POR: variants seen among roughly 807,000 people sequenced by gnomAD.
The protein encoded by POR is cytochrome p450 oxidoreductase, also known as NADPH--cytochrome P450 reductase.
In POR, 56 loss-of-function variants were observed where a neutral mutation model predicts 84.0. The ratio of observed to expected loss-of-function variants is 0.67; its 90% CI spans 0.54 to 0.83. POR has a LOEUF of 0.83. Ranked by LOEUF, POR falls within the 40% of genes least tolerant of loss-of-function variation. The pLI is 0.00. For synonymous variants in POR, 414 were observed against 400.5 expected, an observed-to-expected ratio of 1.03 and a Z score of -0.40; for missense variants, 938 against 944.3, an observed-to-expected ratio of 0.99 and a Z score of 0.09.
chr7:75,973,816 G>C (rs1554556509), intron 3 of POR, among the ~76,000 whole-genome samples: 1 of 150,048 alleles, frequency 6.7e-6, no homozygotes, highest in African/African-American at 2.5e-5. Context: ...GGAGTAGTTG[G>C]GGTTAGACGC....
At chr7:75,971,692 A>AG (rs1563424408) in intron 2 of POR, among the ~76,000 whole-genome samples, 1 of 152,040 alleles carries the variant, frequency 6.6e-6, no homozygotes, top group South Asian at 2.1e-4. Context: ...GGGGAAGCAG[A>AG]GGGGGTCTTT....
chr7:75,918,960 T>TA (rs2116184938), intron 1 of POR, among the ~76,000 whole-genome samples: 1 of 151,618 alleles, frequency 6.6e-6, no homozygotes, highest in Admixed American at 6.6e-5. Flanking sequence ...GGAGGTGTTT[T>TA]AAAAGGTCAG....
chr7:75,920,454 G>A (rs548438187), intron 1 of POR, among the ~76,000 whole-genome samples: 2 of 152,324 alleles, frequency 1.3e-5, no homozygotes, highest in South Asian at 2.1e-4. Context: ...ATGTAGTAAT[G>A]AGGAGGAAGA....
At chr7:75,963,736 C>T (rs993614593) in intron 2 of POR, among the ~76,000 whole-genome samples, 3 of 152,032 alleles carry the variant, frequency 2.0e-5, no homozygotes, top group Non-Finnish European at 4.4e-5. Flanking sequence ...TGAGGACACG[C>T]GGGGCTGTTC....
intron 1 of POR, chr7:75,922,815 G>A (rs1806943521): frequency 2.0e-6 from 1 of 500,358 alleles, no homozygotes. Context: ...GAAAGCAGAA[G>A]GCTTATCAAG....
In POR at chr7:75,985,865, TG is replaced by T; in HGVS notation, c.1669+21del. The stretch of plus-strand genomic sequence containing the variant: ...CGACAGCAGGGTGAGTGGGGTCCCA[TG>T]GGGGAGAGGGGGTGACGACTGGGAG... On this transcript the variant is annotated intron_variant, in intron 13 of 15. Transcript: ENST00000461988. 6.5e-7 allele frequency: 1 copy of T among 1,550,306 alleles called. No homozygotes were observed. Among genetic ancestry groups the T allele is most frequent in the Non-Finnish European group, 8.7e-7 (1 of 1,144,428 alleles).
chr7:75,936,150 G>GAC (rs1327978429), intron 1 of POR, among the ~76,000 whole-genome samples: 1 of 132,144 alleles, frequency 7.6e-6, no homozygotes, highest in African/African-American at 2.9e-5. Flanking sequence ...AGAGTGCAAT[G>GAC]ACACAATCAT....
At chr7:75,928,671 G>C (rs991249932) in intron 1 of POR, among the ~76,000 whole-genome samples, 6 of 151,998 alleles carry the variant, frequency 3.9e-5, no homozygotes, top group African/African-American at 1.5e-4. Flanking sequence ...ACGTTGCTTA[G>C]AGTTCAGCTT....
chr7:75,967,162 A>G (rs557607921), intron 2 of POR, among the ~76,000 whole-genome samples: 1 of 152,142 alleles, frequency 6.6e-6, no homozygotes, highest in Non-Finnish European at 1.5e-5. Flanking sequence ...TTTGGTAGAG[A>G]CAGGCTGTTT....
intron 2 of POR, among the ~76,000 whole-genome samples, chr7:75,959,548 G>T (rs1554554220): frequency 1.3e-5 from 2 of 152,144 alleles, no homozygotes; most frequent in Non-Finnish European, 2.9e-5. Context: ...CTCTGCCTCT[G>T]GGGCTCAAGC....
intron 1 of POR, among the ~76,000 whole-genome samples, chr7:75,928,636 A>C (rs1380507399): frequency 6.6e-6 from 1 of 152,240 alleles, no homozygotes; most frequent in African/African-American, 2.4e-5. Context: ...CCAAGGGCCT[A>C]GCGGAGTCAC....
At position 75,942,166 on chromosome 7, in the gene POR, G is replaced by A. The variant is rs556192096; in HGVS notation, c.-4-11823G>A. 3.3e-5 allele frequency among the ~76,000 whole-genome samples: 5 copies of A among 152,308 alleles called. No individual in the cohort carries two copies. The East Asian group carries it at 9.6e-4, about 29-fold the overall frequency. On this transcript the variant is annotated intron_variant, in intron 1 of 15. Transcript: ENST00000461988. ...CACTTGAGCCCAGAAGGCTGAGGCT[G>A]GAGTGAGCTGCGATTGTGCCACTGC...
intron 2 of POR, among the ~76,000 whole-genome samples, chr7:75,968,573 A>G (rs1788290518): frequency 6.6e-6 from 1 of 152,256 alleles, no homozygotes; most frequent in South Asian, 2.1e-4. Flanking sequence ...AGCCCCCAGC[A>G]GGGCCTTGGG....
At chr7:75,951,872 G>A (rs1310900547) in intron 1 of POR, among the ~76,000 whole-genome samples, 1 of 152,274 alleles carries the variant, frequency 6.6e-6, no homozygotes, top group Non-Finnish European at 1.5e-5. Flanking sequence ...GTTGGTGGAA[G>A]GACCAGTTGA....
intron 1 of POR, among the ~76,000 whole-genome samples, chr7:75,949,359 T>C (rs1457575078): frequency 1.3e-5 from 2 of 152,152 alleles, no homozygotes; most frequent in Non-Finnish European, 2.9e-5. Flanking sequence ...TTTCGCTGTG[T>C]TGGCCAGGCT....
At chr7:75,947,149 G>C (rs1554552216) in intron 1 of POR, 1 of 152,178 alleles carries the variant, frequency 6.6e-6, no homozygotes, top group African/African-American at 2.4e-5. Context: ...ACGTGGAACT[G>C]TTAGGCATTT....
intron 1 of POR, among the ~76,000 whole-genome samples, chr7:75,949,258 G>A (rs868976512): frequency 6.6e-5 from 10 of 151,924 alleles, no homozygotes; most frequent in Admixed American, 1.3e-4. Context: ...AGGTTCAAGC[G>A]ATTCTCCTGC....
intron 1 of POR, among the ~76,000 whole-genome samples, chr7:75,951,939 A>T (rs1262142051): frequency 6.6e-6 from 1 of 152,084 alleles, no homozygotes; most frequent in Non-Finnish European, 1.5e-5. Flanking sequence ...TCCCTCCCGG[A>T]CGGGGCGGCT....
intron 5 of POR, 156 bp from the exon 6 acceptor site, chr7:75,980,892 G>A (rs1788979854): frequency 3.6e-6 from 4 of 1,097,316 alleles, no homozygotes; most frequent in South Asian, 1.7e-5. Context: ...CAGTGGCCCA[G>A]TGTTCCTTGC....
Sources: allele counts gnomAD v4.1 joint callset (sites outside exome capture counted in the v4.1 genomes callset), GRCh38; gene constraint gnomAD v4.1.1; transcripts MANE v1.5; gene names NCBI Gene and HGNC (gene_info 2026-07-23, HGNC 2026-07-21).